Variants in RPS6KA2 observed in about 807,000 individuals in gnomAD.
RPS6KA2 encodes ribosomal protein S6 kinase A2.
In RPS6KA2, 42 loss-of-function variants were observed where a neutral mutation model predicts 91.8. The observed-to-expected ratio is 0.46, with a 90% CI of 0.36 to 0.59. The LOEUF is 0.59. Among genes scored for constraint, RPS6KA2 ranks in the 20% least tolerant of loss-of-function variants. The pLI, the probability that RPS6KA2 is intolerant of heterozygous loss-of-function variation, is 0.00. For synonymous variants in RPS6KA2, 414 were observed against 393.6 expected (o/e 1.05, Z -0.61); for missense variants, 798 against 978.5 (o/e 0.82, Z 2.46).
chr6:166,495,064 A>G lies in RPS6KA2; in HGVS notation c.747+3444T>C, dbSNP rs1390788698. ...ACAGTCAAGACCTTTGCCTGTGTGC[A>G]GCCAGTCACCACGTGGGCGGGCGGC... On this transcript the variant is annotated intron_variant, in intron 8 of 20. Transcript: ENST00000265678. The surrounding 1 kb of genome is among the most constrained non-coding windows in gnomAD (Gnocchi z 4.4). Among the ~76,000 whole-genome samples, 3 of 152,232 alleles carry G rather than the reference A, an allele frequency of 2.0e-5. No individual in the cohort carries two copies. The highest frequency in any genetic ancestry group is 7.2e-5 in the African/African-American group (3 of 41,458).
At chr6:166,816,391 C>CAAAAAAAAAA (rs61347721) in intron 2 of RPS6KA2, among the ~76,000 whole-genome samples, 10 of 120,076 alleles carry the variant, frequency 8.3e-5, no homozygotes, top group African/African-American at 1.9e-4. Context: ...ACTAAAAATA[C>CAAAAAAAAAA]AAAAAAAAAA....
At chr6:166,768,491 G>A (rs1286495607) in intron 2 of RPS6KA2, among the ~76,000 whole-genome samples, 1 of 152,166 alleles carries the variant, frequency 6.6e-6, no homozygotes, top group Non-Finnish European at 1.5e-5. Context: ...AGCGGCAGGG[G>A]CAGCTGCCTC....
rs192777958 is a variant in RPS6KA2, at chr6:166,678,446, C to T, written c.124-139662G>A. ...ACAGCTTAGCTCAAAACCTTCTTTT[C>T]GCTAAATAAAGTTGTATTTTACTTC... On this transcript the variant is annotated intron_variant, in intron 2 of 21. Transcript: ENST00000503859. 5.3e-5 allele frequency among the ~76,000 whole-genome samples: 8 copies of T among 152,332 alleles called. No individual in the cohort carries two copies. The East Asian group carries it at 7.7e-4, about 15-fold the overall frequency.
At chr6:166,790,025 G>A (rs1228276508) in intron 2 of RPS6KA2, among the ~76,000 whole-genome samples, 1 of 152,204 alleles carries the variant, frequency 6.6e-6, no homozygotes, top group Non-Finnish European at 1.5e-5. Context: ...TGACTTTGAC[G>A]AGTTGAGAGA....
intron 1 of RPS6KA2, among the ~76,000 whole-genome samples, chr6:166,858,861 C>T (rs756486004): frequency 2.6e-5 from 4 of 152,204 alleles, no homozygotes; most frequent in African/African-American, 4.8e-5. Context: ...ACCTGGGCCT[C>T]GGAGACATGG....
intron 8 of RPS6KA2, among the ~76,000 whole-genome samples, chr6:166,498,285 C>T (rs535771736): frequency 8.5e-5 from 13 of 152,238 alleles, no homozygotes; most frequent in Non-Finnish European, 1.3e-4. Context: ...CCCACGTCTG[C>T]GTTTCTGCGT....
At chr6:166,614,329 T>C (rs1786317517) in intron 1 of RPS6KA2, among the ~76,000 whole-genome samples, 1 of 152,162 alleles carries the variant, frequency 6.6e-6, no homozygotes, top group Non-Finnish European at 1.5e-5. Flanking sequence ...AGTGAACACC[T>C]CGAGCCCTCT....
intron 2 of RPS6KA2, among the ~76,000 whole-genome samples, chr6:166,681,692 C>CCCCCCG (rs1477005460): frequency 6.5e-4 from 2 of 3,082 alleles, no homozygotes; most frequent in South Asian, 0.031. Context: ...CCCTGCCCGC[C>CCCCCCG]CCCCCCCCCG....
chr6:166,751,319 A>G (rs1258517293), intron 2 of RPS6KA2, among the ~76,000 whole-genome samples: 6 of 152,360 alleles, frequency 3.9e-5, no homozygotes, highest in African/African-American at 1.4e-4. Context: ...AGGAATTCAG[A>G]TGAGTTCCAG....
chr6:166,441,336 C>T (rs939566801), intron 14 of RPS6KA2, among the ~76,000 whole-genome samples: 43 of 152,200 alleles, frequency 2.8e-4, no homozygotes, highest in African/African-American at 1.0e-3. Context: ...CTTCACATAG[C>T]TCAACTCTCA....
At chr6:166,823,997 G>A (rs942233766) in intron 2 of RPS6KA2, among the ~76,000 whole-genome samples, 1 of 152,130 alleles carries the variant, frequency 6.6e-6, no homozygotes, top group Non-Finnish European at 1.5e-5. Context: ...TGCTCTCCAT[G>A]TGAATTCCAT....
intron 2 of RPS6KA2, among the ~76,000 whole-genome samples, chr6:166,760,578 T>C (rs182675879): frequency 2.6e-5 from 4 of 152,336 alleles, no homozygotes; most frequent in Admixed American, 2.6e-4. Context: ...ATAGGTTAGA[T>C]CAGTGCAAGC....
chr6:166,681,167 G>A (rs1788796329), intron 2 of RPS6KA2, among the ~76,000 whole-genome samples: 2 of 152,162 alleles, frequency 1.3e-5, no homozygotes, highest in African/African-American at 2.4e-5. Flanking sequence ...ACCCCACTGC[G>A]TTTAGAAAAT....
Position 166,437,596 on chromosome 6 carries a change from T to C in RPS6KA2, c.1333-5106A>G, listed in dbSNP as rs931553066. On this transcript the variant is annotated intron_variant, in intron 14 of 20. Coordinates refer to ENST00000265678, the MANE Select transcript of RPS6KA2 (RefSeq NM_021135.6). The surrounding 1 kb of genome is among the most constrained non-coding windows in gnomAD (Gnocchi z 4.3). Reference sequence around the variant, plus strand: ...CCCACCACAGCCGGTAAATAAACTTTCCATGGTGTTGCCACCGAGCAGGCT... The same window carrying C: ...CCCACCACAGCCGGTAAATAAACTTCCCATGGTGTTGCCACCGAGCAGGCT... Among the ~76,000 whole-genome samples, 2 of 152,164 alleles carry C rather than the reference T, an allele frequency of 1.3e-5. No homozygotes were observed.
intron 2 of RPS6KA2, among the ~76,000 whole-genome samples, chr6:166,744,192 G>A (rs900204461): frequency 6.6e-6 from 1 of 152,158 alleles, no homozygotes; most frequent in South Asian, 2.1e-4. Context: ...TCCATCCACC[G>A]ACCTGGATTT....
chr6:166,682,408 A>G (rs1030203642), intron 2 of RPS6KA2, among the ~76,000 whole-genome samples: 1 of 152,088 alleles, frequency 6.6e-6, no homozygotes, highest in Non-Finnish European at 1.5e-5. Flanking sequence ...TCTTTTCCCT[A>G]CTTCATCGGA....
intron 3 of RPS6KA2, 129 bp from the exon 4 acceptor site, chr6:166,510,486 G>C (rs968138177): frequency 1.6e-5 from 7 of 447,576 alleles, no homozygotes; most frequent in Middle Eastern, 3.1e-4. Context: ...TACAAAACTT[G>C]AAAAAGTTGT....
At chr6:166,716,806 T>C (rs1241263429) in intron 2 of RPS6KA2, among the ~76,000 whole-genome samples, 1 of 152,248 alleles carries the variant, frequency 6.6e-6, no homozygotes, top group African/African-American at 2.4e-5. Context: ...ATTTATGCCA[T>C]CTTTTGATGG....
intron 2 of RPS6KA2, among the ~76,000 whole-genome samples, chr6:166,745,439 A>C (rs1790973200): frequency 6.6e-6 from 1 of 152,144 alleles, no homozygotes; most frequent in African/African-American, 2.4e-5. Context: ...GGTGTGAGCC[A>C]CTGCACCCGG....
Sources: gnomAD v4.1 joint callset for allele counts (sites outside exome capture counted in the v4.1 genomes callset) on GRCh38, gnomAD v4.1.1 for gene constraint, Gnocchi (gnomAD v3.1) non-coding constraint, MANE v1.5 for transcripts, NCBI Gene and HGNC (gene_info 2026-07-23, HGNC 2026-07-21) for gene names.